The following NUP35 variants were observed in gnomAD, a reference collection of about 807,000 sequenced individuals.
The protein encoded by NUP35 is nucleoporin NUP35.
NUP35 carries 25 observed loss-of-function variants against 41.5 expected under a neutral mutation model. The observed-to-expected ratio is 0.60, with a 90% confidence interval of 0.44 to 0.84. NUP35 has a LOEUF of 0.84. Ranked by LOEUF, NUP35 falls within the 40% of genes least tolerant of loss-of-function variation. The pLI is 0.00. For missense variants in NUP35, 396 were observed against 396.6 expected (o/e 1.00, Z 0.01); for synonymous variants, 149 against 130.7 (o/e 1.14, Z -0.96).
At chr2:183,159,079 A>G (rs945425390) in intron 7 of NUP35, among the ~76,000 whole-genome samples, 1 of 152,156 alleles carries the variant, frequency 6.6e-6, no homozygotes, top group Non-Finnish European at 1.5e-5. Context: ...GTGTAGTTAT[A>G]TAGTTATAAT....
intron 8 of NUP35, chr2:183,160,670 C>T (rs72896517): frequency 0.029 from 4,460 of 153,366 alleles, 97 homozygotes; most frequent in Non-Finnish European, 0.044. Flanking sequence ...TGAGCCACTG[C>T]GCCCAGCTAT....
chr2:183,118,851 G>C (rs140399262), intron 1 of NUP35: 1 of 152,178 alleles, frequency 6.6e-6, no homozygotes, highest in Non-Finnish European at 1.5e-5. Context: ...TTGGACGTAG[G>C]GTTTTACATG....
At chr2:183,123,739 A>G (rs1001258171), upstream of NUP35, 4 of 971,760 alleles carry the variant, frequency 4.1e-6, no homozygotes, top group East Asian at 1.1e-4. Flanking sequence ...ACTATGCCCT[A>G]AAGAAAAGCA....
intron 3 of NUP35, chr2:183,131,118 G>A (rs1041194157): frequency 1.0e-5 from 3 of 298,130 alleles, no homozygotes; most frequent in African/African-American, 4.3e-5. Context: ...TGGGATATAG[G>A]CACGTGCTGC....
chr2:183,141,922 ATATT>A (rs1417408345), intron 4 of NUP35, among the ~76,000 whole-genome samples: 2 of 152,206 alleles, frequency 1.3e-5, no homozygotes, highest in Non-Finnish European at 2.9e-5. Flanking sequence ...GGTGAAGAAC[ATATT>A]TAAGTAGCTT....
chr2:183,128,589 G>A, intron 2 of NUP35, 132 bp downstream of exon 2: 1 of 430,778 alleles, frequency 2.3e-6, no homozygotes, highest in East Asian at 3.6e-5. Flanking sequence ...TCTAATAATA[G>A]CTGATGAGCT....
At chr2:183,136,746 G>T (rs181059530) in intron 4 of NUP35, among the ~76,000 whole-genome samples, 1 of 152,280 alleles carries the variant, frequency 6.6e-6, no homozygotes, top group East Asian at 1.9e-4. Context: ...GCAGTACCTG[G>T]ATTGGTTGAT....
At chr2:183,133,541 A>G (rs773168736) in intron 3 of NUP35, 25 bp from the exon 4 acceptor site, 19 of 1,589,638 alleles carry the variant, frequency 1.2e-5, no homozygotes, top group South Asian at 2.3e-5. Flanking sequence ...CATTTTTACC[A>G]TAACACTTTC....
intron 4 of NUP35, among the ~76,000 whole-genome samples, chr2:183,141,023 A>C (rs1457139387): frequency 6.6e-6 from 1 of 151,992 alleles, no homozygotes; most frequent in African/African-American, 2.4e-5. Flanking sequence ...AACACTTTAC[A>C]TTTATTCTCA....
chr2:183,148,165 T>C (rs1268048765), intron 4 of NUP35, among the ~76,000 whole-genome samples: 2 of 152,234 alleles, frequency 1.3e-5, no homozygotes, highest in African/African-American at 4.8e-5. Context: ...TGAATAATAT[T>C]CCGTTGTATA....
At chr2:183,138,790 C>CATT (rs113969866) in intron 4 of NUP35, among the ~76,000 whole-genome samples, 69,786 of 151,654 alleles carry the variant, frequency 0.46, 17,387 homozygotes, top group African/African-American at 0.66. Context: ...TAACTAGAAT[C>CATT]ATTTGTGTTA....
rs150421691 is a variant in NUP35 at position 183,154,342 on chromosome 2, C to T, written c.539+2693C>T. Among the ~76,000 whole-genome samples the T allele has an allele frequency of 4.1e-3, 618 of 152,320 alleles. 2 individuals carry two copies. Among genetic ancestry groups the T allele is most frequent in the African/African-American group, 0.013 (537 of 41,578 alleles). On this transcript the variant is annotated intron_variant, in intron 5 of 8. Coordinates refer to ENST00000295119, the MANE Select transcript of NUP35 (RefSeq NM_138285.5). ...GAAAATGAGTTTTCCTTTTCTACTGCGTTGTCAGGCTGCAAATTTTCTGAA... is the reference window on the plus strand; with the variant it reads ...GAAAATGAGTTTTCCTTTTCTACTGTGTTGTCAGGCTGCAAATTTTCTGAA...
intron 1 of NUP35, among the ~76,000 whole-genome samples, chr2:183,127,536 C>A (rs1420021001): frequency 6.6e-6 from 1 of 152,122 alleles, no homozygotes; most frequent in Non-Finnish European, 1.5e-5. Flanking sequence ...TGTAAGTGCT[C>A]TAATATATGC....
chr2:183,136,513 T>A (rs1575119845), intron 4 of NUP35, among the ~76,000 whole-genome samples: 4 of 152,212 alleles, frequency 2.6e-5, no homozygotes, highest in Admixed American at 2.6e-4. Flanking sequence ...GAGGCTGCCC[T>A]CACTCCTTGG....
chr2:183,141,298 T>C (rs1685088534), intron 4 of NUP35, among the ~76,000 whole-genome samples: 1 of 152,180 alleles, frequency 6.6e-6, no homozygotes. Flanking sequence ...CTGGATAATC[T>C]CCCCATCTGA....
chr2:183,151,438 T>G (rs527342705), intron 4 of NUP35, 70 bp from the exon 5 acceptor site: 2 of 1,464,192 alleles, frequency 1.4e-6, no homozygotes, highest in East Asian at 4.6e-5. Context: ...CATTTAAAAC[T>G]AAGATTTTTG....
intron 1 of NUP35, 116 bp from the exon 2 acceptor site, chr2:183,128,171 T>G (rs1477248810): frequency 1.6e-6 from 1 of 613,800 alleles, no homozygotes; most frequent in Non-Finnish European, 2.6e-6. Context: ...TTCTATTATA[T>G]CTAAAAGTTT....
upstream of NUP35, among the ~76,000 whole-genome samples, chr2:183,121,961 C>T (rs1236918524): frequency 1.0e-5 from 1 of 97,376 alleles, no homozygotes; most frequent in Non-Finnish European, 2.5e-5. Context: ...TACATGTGCA[C>T]AACGTGCAGG....
At chr2:183,137,075 G>A (rs1262045168) in intron 4 of NUP35, among the ~76,000 whole-genome samples, 3 of 151,726 alleles carry the variant, frequency 2.0e-5, no homozygotes, top group African/African-American at 4.8e-5. Context: ...GGGTGATAGA[G>A]CGAGACTTTG....
Sources: gnomAD v4.1 joint callset for allele counts (sites outside exome capture counted in the v4.1 genomes callset) on GRCh38, gnomAD v4.1.1 for gene constraint, MANE v1.5 for transcripts, NCBI Gene and HGNC (gene_info 2026-07-23, HGNC 2026-07-21) for gene names.